CEP70: variants seen among roughly 807,000 people sequenced by gnomAD.
CEP70 encodes the protein centrosomal protein of 70 kDa.
CEP70 carries 70 observed loss-of-function variants against 90.9 expected under a neutral mutation model. The observed-to-expected ratio is 0.77, with a 90% confidence interval of 0.64 to 0.94. The LOEUF is 0.94. Among genes scored for constraint, CEP70 ranks in the 40% least tolerant of loss-of-function variants. The pLI is 0.00. For synonymous variants in CEP70, 220 were observed against 228.3 expected (o/e 0.96, Z 0.33); for missense variants, 648 against 669.0 (o/e 0.97, Z 0.35).
intron 6 of CEP70, among the ~76,000 whole-genome samples, chr3:138,564,736 T>A (rs1560422285): frequency 6.6e-6 from 1 of 152,106 alleles, no homozygotes; most frequent in African/African-American, 2.4e-5. Context: ...CCACACCCAA[T>A]ATCATACTGA....
chr3:138,562,358 A>G (rs1239828945), intron 6 of CEP70, among the ~76,000 whole-genome samples: 1 of 152,120 alleles, frequency 6.6e-6, no homozygotes, highest in East Asian at 1.9e-4. Context: ...AAAACAGAGA[A>G]CACCACAAAG....
intron 17 of CEP70, chr3:138,496,276 G>A (rs1417727759): frequency 1.0e-6 from 1 of 985,202 alleles, no homozygotes; most frequent in East Asian, 1.1e-4. Context: ...TCTTCACTTA[G>A]CCTACACACA....
rs530937205 is a variant in CEP70, at chr3:138,567,901, A to G, written c.465+2417T>C. Among the ~76,000 whole-genome samples the G allele has an allele frequency of 2.6e-5, 4 of 152,292 alleles. No homozygotes were observed. The South Asian group carries it at 8.3e-4, about 32-fold the overall frequency. Reference sequence around the variant, plus strand: ...AGAATCTGAAAGGGTAGAAGTAAAAATATTTTTTCCTTCTCTATAATAGAA... The same window carrying G: ...AGAATCTGAAAGGGTAGAAGTAAAAGTATTTTTTCCTTCTCTATAATAGAA... On this transcript the variant is annotated intron_variant, in intron 6 of 17. Coordinates refer to ENST00000264982, the MANE Select transcript of CEP70 (RefSeq NM_024491.4).
intron 10 of CEP70, 89 bp downstream of exon 10, chr3:138,529,110 G>A: frequency 1.4e-6 from 1 of 723,170 alleles, no homozygotes; most frequent in East Asian, 2.7e-5. Context: ...AGGCTGCGGT[G>A]AGACGTGATC....
chr3:138,509,054 C>A (rs2035272699), intron 11 of CEP70, among the ~76,000 whole-genome samples: 1 of 152,040 alleles, frequency 6.6e-6, no homozygotes, highest in Non-Finnish European at 1.5e-5. Flanking sequence ...TTTTTTAAAT[C>A]ATATTGTCAC....
intron 6 of CEP70, among the ~76,000 whole-genome samples, chr3:138,544,570 T>TTA (rs928555586): frequency 1.3e-5 from 2 of 151,782 alleles, no homozygotes; most frequent in African/African-American, 2.4e-5. Flanking sequence ...TACACACATA[T>TTA]TATATATATA....
Position 138,570,420 on chromosome 3 carries a change from A to G in CEP70, c.363T>C (p.Ser121=), listed in dbSNP as rs760419588. 42 of 1,610,092 alleles carry G rather than the reference A, an allele frequency of 2.6e-5. No individual in the cohort carries two copies. Among genetic ancestry groups the G allele is most frequent in the Non-Finnish European group, 3.3e-5 (39 of 1,178,582 alleles). ...CCAATTCACCAATTTTGGATTTCAC[A>G]CTTTCCATAATTTGTTCCAAGTCAT... ...RANDLEQIME[S]VKSKIGELED... The change falls in exon 6 of 18, where the codon AGT becomes AGC. Residue 121 remains serine (S), a synonymous_variant. Coordinates refer to ENST00000264982, the MANE Select transcript of CEP70 (RefSeq NM_024491.4).
rs1023846733 is a variant in CEP70 at position 138,591,837 on chromosome 3, C to A, written c.-6+17G>T. 5.9e-6 allele frequency: 9 copies of A among 1,531,524 alleles called. No homozygotes were observed. Among genetic ancestry groups the A allele is most frequent in the Non-Finnish European group, 7.9e-6 (9 of 1,143,638 alleles). 94.9% of individuals were successfully genotyped at this position (1,531,524 alleles called of 1,614,324 possible). A position where few individuals can be genotyped will look rare whatever the true frequency, so the allele number is the denominator to read the frequency against. On this transcript the variant is annotated intron_variant, in intron 2 of 17. Transcript: ENST00000264982. ...TGGCCTCCCAACATCTGGAGTCATC[C>A]GTTACATTAGACATACCTCAGTCAT...
chr3:138,519,031 G>A (rs992227349), intron 11 of CEP70, among the ~76,000 whole-genome samples: 13 of 152,158 alleles, frequency 8.5e-5, no homozygotes, highest in Non-Finnish European at 1.5e-4. Context: ...ACTACATGAC[G>A]AATGCACAAG....
At chr3:138,555,302 T>G (rs1189073556) in intron 6 of CEP70, among the ~76,000 whole-genome samples, 2 of 148,718 alleles carry the variant, frequency 1.3e-5, no homozygotes, top group Non-Finnish European at 3.0e-5. Flanking sequence ...GACTTAAATC[T>G]AAGACCTAAA....
chr3:138,556,584 G>GT (rs1463886304), intron 6 of CEP70, among the ~76,000 whole-genome samples: 1 of 149,146 alleles, frequency 6.7e-6, no homozygotes, highest in Non-Finnish European at 1.5e-5. Flanking sequence ...CGACAGTCAC[G>GT]TAAGTTCTTT....
intron 11 of CEP70, among the ~76,000 whole-genome samples, chr3:138,524,228 G>C (rs1352241253): frequency 6.6e-6 from 1 of 151,632 alleles, no homozygotes. Context: ...ATTAATTCAA[G>C]ATGGATTAAA....
At position 138,571,103 on chromosome 3, in the gene CEP70, AATTTCAAATTC is replaced by A. The variant is rs2041143357; in HGVS notation, c.204_214del (p.Gln68HisfsTer20). On this transcript the variant is annotated frameshift_variant, in exon 5 of 18. Transcript: ENST00000264982. LOFTEE classifies it high-confidence loss of function. The stretch of plus-strand genomic sequence containing the variant: ...TTGACATGATGTTTCTTCCACCAAC[AATTTCAAATTC>A]TGTCTCATCCTTTGTGATGACTGTT... The A allele has an allele frequency of 6.2e-7, 1 of 1,606,566 alleles. No homozygotes were observed. The highest frequency in any genetic ancestry group is 8.5e-7 in the Non-Finnish European group (1 of 1,174,426).
At chr3:138,505,611 C>A in intron 12 of CEP70, 146 bp from the exon 13 acceptor site, 1 of 479,598 alleles carries the variant, frequency 2.1e-6, no homozygotes, top group Non-Finnish European at 3.3e-6. Flanking sequence ...GGAATTGGCT[C>A]ATGCAATTAT....
Position 138,531,125 on chromosome 3 carries a change from CTTT to C in CEP70, c.692+1386_692+1388del, listed in dbSNP as rs1335872300. Among the ~76,000 whole-genome samples the C allele has an allele frequency of 2.6e-5, 4 of 152,192 alleles. No individual in the cohort carries two copies. In the East Asian group the frequency reaches 7.7e-4, roughly 29 times the overall value. On this transcript the variant is annotated intron_variant, in intron 8 of 17. Coordinates refer to ENST00000264982, the MANE Select transcript of CEP70 (RefSeq NM_024491.4). Reference sequence around the variant, plus strand: ...CTTCAGCTAGACAATTGATGAAAAGCTTTTTAAGTTAAAAAGTGATTCTTTTCC... The same window carrying C: ...CTTCAGCTAGACAATTGATGAAAAGCTTAAGTTAAAAAGTGATTCTTTTCC...
At chr3:138,550,881 C>T (rs578248127) in intron 6 of CEP70, among the ~76,000 whole-genome samples, 30 of 152,272 alleles carry the variant, frequency 2.0e-4, no homozygotes, top group South Asian at 8.3e-4. Context: ...TTATGTTAAA[C>T]GACCAAATCT....
intron 10 of CEP70, among the ~76,000 whole-genome samples, chr3:138,526,810 TAA>T (rs922213405): frequency 9.2e-5 from 14 of 152,162 alleles, no homozygotes; most frequent in African/African-American, 2.7e-4. Flanking sequence ...TCAAAATCAA[TAA>T]GAGTAAATTT....
At chr3:138,576,023 C>T (rs189624062) in intron 2 of CEP70, among the ~76,000 whole-genome samples, 100 of 152,276 alleles carry the variant, frequency 6.6e-4, no homozygotes, top group African/African-American at 2.1e-3. Flanking sequence ...ACCATCAATG[C>T]TAGGAAGAAA....
In CEP70 at chr3:138,500,133, T is replaced by C; in HGVS notation, c.1629A>G (p.Val543=). ...NEDVNEQVMQ[V]LGPEDLQSII... ...ACCTCTGGAGGTCTTCAGGTCCTAA[T>C]ACCTGCATAACCTGCTCATTCACAT... The change falls in exon 16 of 18, where the codon GTA becomes GTG. Residue 543 remains valine, a synonymous_variant. Coordinates refer to ENST00000264982, the MANE Select transcript of CEP70 (RefSeq NM_024491.4). 1.2e-6 allele frequency: 2 copies of C among 1,612,212 alleles called. No individual in the cohort carries two copies. Among genetic ancestry groups the C allele is most frequent in the Non-Finnish European group, 1.7e-6 (2 of 1,178,292 alleles).
Sources: allele counts gnomAD v4.1 joint callset (sites outside exome capture counted in the v4.1 genomes callset), GRCh38; gene constraint gnomAD v4.1.1; transcripts MANE v1.5; gene names NCBI Gene and HGNC (gene_info 2026-07-23, HGNC 2026-07-21).